LNX1: variants seen among roughly 807,000 people sequenced by gnomAD.
The protein encoded by LNX1 is E3 ubiquitin-protein ligase LNX.
A neutral mutation model predicts 68.4 loss-of-function variants in LNX1; 54 were observed. The ratio of observed to expected loss-of-function variants is 0.79; its 90% CI spans 0.63 to 0.99. LNX1 has a LOEUF of 0.99. LNX1 is among the 50% of genes least tolerant of loss of function. LNX1 has a pLI of 0.00. For missense variants in LNX1, 906 were observed against 926.4 expected (o/e 0.98, Z 0.29); for synonymous variants, 336 against 350.0 (o/e 0.96, Z 0.45).
chr4:53,488,272 T>G (rs575050698), intron 6 of LNX1, among the ~76,000 whole-genome samples: 1 of 152,238 alleles, frequency 6.6e-6, no homozygotes, highest in African/African-American at 2.4e-5. Context: ...AAATTTGCCA[T>G]CCTATTGCCT....
At chr4:53,502,841 C>G (rs1342539248) in intron 4 of LNX1, among the ~76,000 whole-genome samples, 1 of 152,154 alleles carries the variant, frequency 6.6e-6, no homozygotes, top group Non-Finnish European at 1.5e-5. Context: ...GAAGTAGTTT[C>G]CATCTCAAGA....
chr4:53,470,234 CA>C (rs112603708), intron 9 of LNX1, among the ~76,000 whole-genome samples: 1 of 152,222 alleles, frequency 6.6e-6, no homozygotes, highest in Admixed American at 6.5e-5. Flanking sequence ...AAACCAAAGA[CA>C]AAAACCACAT....
intron 5 of LNX1, among the ~76,000 whole-genome samples, chr4:53,498,304 G>C (rs1420401447): frequency 2.0e-5 from 3 of 152,022 alleles, no homozygotes; most frequent in Non-Finnish European, 4.4e-5. Flanking sequence ...TAAAAAAAGA[G>C]ATAAAAGGAG....
At chr4:53,487,100 G>A (rs1468662531) in intron 6 of LNX1, among the ~76,000 whole-genome samples, 1 of 151,990 alleles carries the variant, frequency 6.6e-6, no homozygotes, top group African/African-American at 2.4e-5. Context: ...TGCTCATACT[G>A]TCAGGGCGTA....
At chr4:53,592,107 T>A (rs1211614058), upstream of LNX1, among the ~76,000 whole-genome samples, 1 of 152,162 alleles carries the variant, frequency 6.6e-6, no homozygotes, top group Non-Finnish European at 1.5e-5. Flanking sequence ...CCAGCATTTT[T>A]AATTCCATAT....
intron 9 of LNX1, among the ~76,000 whole-genome samples, chr4:53,475,398 A>G (rs1032886851): frequency 1.3e-5 from 2 of 152,244 alleles, no homozygotes; most frequent in Admixed American, 1.3e-4. Flanking sequence ...CTGTTTAAGG[A>G]CTTTTGAAAA....
upstream of LNX1, among the ~76,000 whole-genome samples, chr4:53,618,118 A>G (rs1466679094): frequency 6.6e-6 from 1 of 152,222 alleles, no homozygotes; most frequent in African/African-American, 2.4e-5. Flanking sequence ...ACAGTCTTAC[A>G]CCATTTAAAC....
chr4:53,528,306 T>C (rs1222874258), intron 2 of LNX1, among the ~76,000 whole-genome samples: 3 of 152,238 alleles, frequency 2.0e-5, no homozygotes, highest in Non-Finnish European at 4.4e-5. Context: ...CTTCAAACTA[T>C]TAAGTAGAAA....
At chr4:53,534,461 A>G (rs930568884) in intron 2 of LNX1, among the ~76,000 whole-genome samples, 1 of 152,118 alleles carries the variant, frequency 6.6e-6, no homozygotes, top group Non-Finnish European at 1.5e-5. Flanking sequence ...ACATAGCAAG[A>G]CCTTGTCTCT....
chr4:53,535,990 C>T (rs1306709117), intron 2 of LNX1, among the ~76,000 whole-genome samples: 1 of 152,174 alleles, frequency 6.6e-6, no homozygotes, highest in Non-Finnish European at 1.5e-5. Context: ...TATTCAGGGA[C>T]CACACTGATA....
chr4:53,614,531 T>G (rs1426526061), intron 2 of LNX1, among the ~76,000 whole-genome samples: 1 of 152,202 alleles, frequency 6.6e-6, no homozygotes. Flanking sequence ...CAGGTTCCTC[T>G]GCACCCACAC....
intron 2 of LNX1, among the ~76,000 whole-genome samples, chr4:53,598,328 T>C (rs993899382): frequency 5.9e-5 from 9 of 151,748 alleles, no homozygotes; most frequent in Admixed American, 4.6e-4. Context: ...GACCTCCTTA[T>C]GATTAAGGGA....
chr4:53,572,151 A>G (rs1015371349), intron 2 of LNX1, among the ~76,000 whole-genome samples: 3 of 151,796 alleles, frequency 2.0e-5, no homozygotes, highest in African/African-American at 7.3e-5. Flanking sequence ...CTCTGTGCCA[A>G]CTCCTGTTGG....
At chr4:53,531,502 C>T (rs1728021672) in intron 2 of LNX1, among the ~76,000 whole-genome samples, 1 of 152,204 alleles carries the variant, frequency 6.6e-6, no homozygotes, top group African/African-American at 2.4e-5. Context: ...ATGAGACACA[C>T]GGAAATAGAC....
At chr4:53,574,790 G>C (rs1372434187) in intron 1 of LNX1, among the ~76,000 whole-genome samples, 1 of 152,188 alleles carries the variant, frequency 6.6e-6, no homozygotes. Flanking sequence ...AGGATGAAAT[G>C]AGATATGATA....
At chr4:53,613,395 A>ACAG (rs2109850891) in intron 2 of LNX1, among the ~76,000 whole-genome samples, 1 of 151,970 alleles carries the variant, frequency 6.6e-6, no homozygotes, top group East Asian at 1.9e-4. Flanking sequence ...CAGGATGTGC[A>ACAG]GTTTCATTAC....
At chr4:53,570,644 C>T (rs1158441146) in intron 2 of LNX1, among the ~76,000 whole-genome samples, 1 of 146,078 alleles carries the variant, frequency 6.8e-6, no homozygotes, top group East Asian at 2.0e-4. Flanking sequence ...TGCACATGTA[C>T]CCTAAAACTT....
chr4:53,515,088 A>G (rs1726660939), intron 2 of LNX1, among the ~76,000 whole-genome samples: 1 of 152,214 alleles, frequency 6.6e-6, no homozygotes, highest in South Asian at 2.1e-4. Context: ...TGGTTGGGGG[A>G]GAAAAGTCTA....
In LNX1 at chr4:53,626,708, C is replaced by CA. The variant is rs533823985; in HGVS notation, c.-215+25459dup. Among the ~76,000 whole-genome samples, 587 of 151,462 alleles carry CA rather than the reference C, an allele frequency of 3.9e-3. 3 individuals are homozygous for CA. Among genetic ancestry groups the CA allele is most frequent in the African/African-American group, 0.013 (520 of 41,316 alleles). ...CTCTTTTTGCCATAAATAGGCAAAC[C>CA]AAAAAAAAGAAGGAAATGAGCTCTT... On this transcript the variant is annotated intron_variant, in intron 1 of 2. Transcript: ENST00000507168.
Sources: allele counts gnomAD v4.1 joint callset (sites outside exome capture counted in the v4.1 genomes callset), GRCh38; gene constraint gnomAD v4.1.1; transcripts MANE v1.5; gene names NCBI Gene and HGNC (gene_info 2026-07-23, HGNC 2026-07-21).